ROBO2: variants seen among roughly 807,000 people sequenced by gnomAD.
The protein encoded by ROBO2 is roundabout guidance receptor 2.
A neutral mutation model predicts 160.8 loss-of-function variants in ROBO2; 53 were observed. That is an observed-to-expected ratio of 0.33 (90% CI 0.26 to 0.41). The LOEUF (loss-of-function observed/expected upper bound fraction) is 0.41, where lower values mean the gene tolerates loss of function less well. ROBO2 is among the 10% of genes least tolerant of loss of function. The pLI is 1.00. For synonymous variants in ROBO2, 664 were observed against 611.7 expected (o/e 1.09, Z -1.26); for missense variants, 1,577 against 1,722.4 (o/e 0.92, Z 1.49).
chr3:77,212,691 GTATGA>G (rs2084344695), intron 2 of ROBO2, among the ~76,000 whole-genome samples: 1 of 152,104 alleles, frequency 6.6e-6, no homozygotes, highest in African/African-American at 2.4e-5. Flanking sequence ...TGCCCATTCA[GTATGA>G]TATTGGCTGT....
At chr3:76,251,581 A>T (rs2107555033) in intron 2 of ROBO2, among the ~76,000 whole-genome samples, 1 of 152,214 alleles carries the variant, frequency 6.6e-6, no homozygotes, top group South Asian at 2.1e-4. Flanking sequence ...ATACTTCCAA[A>T]ACAAAACTTA....
chr3:77,620,891 T>TTAAA (rs1395702976), intron 22 of ROBO2, among the ~76,000 whole-genome samples: 4 of 152,222 alleles, frequency 2.6e-5, no homozygotes, highest in African/African-American at 7.2e-5. Flanking sequence ...GCACAGCCTT[T>TTAAA]TAAATACCTT....
At chr3:76,931,582 T>C (rs969362785) in intron 2 of ROBO2, among the ~76,000 whole-genome samples, 3 of 116,012 alleles carry the variant, frequency 2.6e-5, no homozygotes, top group African/African-American at 9.0e-5. Context: ...CACACGTATA[T>C]ATGAGCATTT....
intron 2 of ROBO2, among the ~76,000 whole-genome samples, chr3:76,855,942 T>C (rs563600294): frequency 3.9e-4 from 60 of 152,348 alleles, no homozygotes; most frequent in African/African-American, 1.4e-3. Flanking sequence ...TTGCATAATT[T>C]GTAAAAAGTT....
intron 2 of ROBO2, among the ~76,000 whole-genome samples, chr3:76,675,432 A>G (rs984731572): frequency 4.2e-5 from 5 of 117,766 alleles, no homozygotes; most frequent in African/African-American, 1.1e-4. Context: ...CCCAGGGGGG[A>G]AAAAGAAACG....
intron 2 of ROBO2, among the ~76,000 whole-genome samples, chr3:75,980,404 G>A (rs1382861201): frequency 6.6e-6 from 1 of 151,452 alleles, no homozygotes; most frequent in African/African-American, 2.4e-5. Context: ...CTTTCAGTCT[G>A]AGCCAAATGC....
intron 2 of ROBO2, among the ~76,000 whole-genome samples, chr3:76,526,912 C>T (rs1169551329): frequency 1.3e-5 from 2 of 151,934 alleles, no homozygotes; most frequent in African/African-American, 2.4e-5. Flanking sequence ...TTGCAATGGT[C>T]AGAAGCCTAT....
chr3:76,918,784 A>T (rs1017976643), intron 2 of ROBO2, among the ~76,000 whole-genome samples: 2 of 152,200 alleles, frequency 1.3e-5, no homozygotes, highest in African/African-American at 4.8e-5. Flanking sequence ...GTTCCCACCA[A>T]TAGTGTAAAA....
intron 2 of ROBO2, among the ~76,000 whole-genome samples, chr3:76,122,049 C>T (rs550176844): frequency 9.2e-5 from 14 of 152,300 alleles, no homozygotes; most frequent in African/African-American, 3.1e-4. Context: ...CATGGAAAGC[C>T]TGCATTACAT....
At chr3:77,271,005 A>G (rs2059455052) in intron 2 of ROBO2, among the ~76,000 whole-genome samples, 1 of 151,738 alleles carries the variant, frequency 6.6e-6, no homozygotes. Context: ...TTTTATGTAT[A>G]TGATTTTATG....
At position 76,934,958 on chromosome 3, in the gene ROBO2, A is replaced by ATTTTTTTTTTTTTTTTTTTTTTTTTT. The variant is rs151316771; in HGVS notation, c.110-163056_110-163055insTTTTTTTTTTTTTTTTTTTTTTTTTT. 1.4e-5 allele frequency among the ~76,000 whole-genome samples: 2 copies of ATTTTTTTTTTTTTTTTTTTTTTTTTT among 146,726 alleles called. 1 individual carries two copies. On this transcript the variant is annotated intron_variant, in intron 2 of 26. Transcript: ENST00000487694. ...TTTTGAAATAATTTCAGGCTTCACA[A>ATTTTTTTTTTTTTTTTTTTTTTTTTT]ATTTTTTTTTTTTTAGACCATCTCA...
chr3:76,201,126 AT>A (rs1159294786), intron 2 of ROBO2, among the ~76,000 whole-genome samples: 1 of 152,158 alleles, frequency 6.6e-6, no homozygotes, highest in Non-Finnish European at 1.5e-5. Context: ...AGGTTTATAA[AT>A]GGTTTTAATT....
intron 2 of ROBO2, among the ~76,000 whole-genome samples, chr3:76,530,860 C>T (rs533032829): frequency 7.8e-4 from 119 of 152,260 alleles, no homozygotes; most frequent in African/African-American, 2.8e-3. Context: ...TATTGTAAAA[C>T]ACCCTCAACT....
intron 2 of ROBO2, among the ~76,000 whole-genome samples, chr3:76,993,470 T>A (rs2060807215): frequency 6.6e-6 from 1 of 152,190 alleles, no homozygotes; most frequent in African/African-American, 2.4e-5. Context: ...CATAATTTTT[T>A]AATATTATTT....
At chr3:76,450,514 C>G (rs750184677) in intron 2 of ROBO2, among the ~76,000 whole-genome samples, 25 of 152,050 alleles carry the variant, frequency 1.6e-4, no homozygotes, top group Non-Finnish European at 2.9e-4. Context: ...TGGAGTCCTG[C>G]TATGTTTCCC....
chr3:76,028,646 T>C (rs770869014), intron 2 of ROBO2, among the ~76,000 whole-genome samples: 2 of 151,896 alleles, frequency 1.3e-5, no homozygotes, highest in Non-Finnish European at 2.9e-5. Context: ...AATGTTTAAC[T>C]ATGGTGCGGT....
At chr3:76,139,025 G>A (rs191658396) in intron 2 of ROBO2, among the ~76,000 whole-genome samples, 96 of 152,236 alleles carry the variant, frequency 6.3e-4, no homozygotes, top group Admixed American at 1.6e-3. Context: ...TCTGATTTCC[G>A]ATAAAGATTT....
rs189123992 is a variant in ROBO2, at chr3:75,955,352, T to C, written c.109+17750T>C. 3.9e-5 allele frequency among the ~76,000 whole-genome samples: 6 copies of C among 151,926 alleles called. No individual in the cohort carries two copies. The East Asian group carries it at 1.2e-3, about 30-fold the overall frequency. Reference sequence around the variant, plus strand: ...ACTTTGCATAGAATATAAATTTCTTTGCAAGAAAAATCATTTGTACACTTG... The same window carrying C: ...ACTTTGCATAGAATATAAATTTCTTCGCAAGAAAAATCATTTGTACACTTG... On this transcript the variant is annotated intron_variant, in intron 2 of 26. Coordinates refer to the ROBO2 transcript ENST00000487694.
At chr3:76,165,127 A>T (rs780706198) in intron 2 of ROBO2, among the ~76,000 whole-genome samples, 1 of 152,178 alleles carries the variant, frequency 6.6e-6, no homozygotes, top group Non-Finnish European at 1.5e-5. Flanking sequence ...TTCTCTATCT[A>T]TGAAAGTACT....
Sources: allele counts gnomAD v4.1 joint callset (sites outside exome capture counted in the v4.1 genomes callset), GRCh38; gene constraint gnomAD v4.1.1; transcripts MANE v1.5; gene names NCBI Gene and HGNC (gene_info 2026-07-23, HGNC 2026-07-21).